RANBP2: variants seen among roughly 807,000 people sequenced by gnomAD.
The protein encoded by RANBP2 is E3 SUMO-protein ligase RanBP2.
A neutral mutation model predicts 303.6 loss-of-function variants in RANBP2; 57 were observed. The ratio of observed to expected loss-of-function variants is 0.19; its 90% CI spans 0.15 to 0.23. The LOEUF (loss-of-function observed/expected upper bound fraction) is 0.23, where lower values mean the gene tolerates loss of function less well. Among genes scored for constraint, RANBP2 ranks in the 10% least tolerant of loss-of-function variants. The pLI, the probability that RANBP2 is intolerant of heterozygous loss-of-function variation, is 1.00. For missense variants in RANBP2, 3,138 were observed against 3,780.8 expected (o/e 0.83, Z 4.46); for synonymous variants, 1,167 against 1,301.5 (o/e 0.90, Z 2.23).
the RANBP2 span, among the ~76,000 whole-genome samples, chr2:108,804,278 C>T: frequency 5.3e-5 from 8 of 152,094 alleles, no homozygotes; most frequent in Non-Finnish European, 7.4e-5. Context: ...CTAAAACATG[C>T]TATCCCATTT....
the RANBP2 span, among the ~76,000 whole-genome samples, chr2:109,363,855 G>A: frequency 1.3e-5 from 2 of 152,110 alleles, no homozygotes; most frequent in Non-Finnish European, 2.9e-5. Context: ...TATAGGTAAT[G>A]TGTTTTTTCC....
At chr2:109,296,085 G>GC in the RANBP2 span, among the ~76,000 whole-genome samples, 1 of 151,992 alleles carries the variant, frequency 6.6e-6, no homozygotes, top group Non-Finnish European at 1.5e-5. Flanking sequence ...AGCCAGGTTG[G>GC]CCCCCCAGAA....
chr2:109,117,757 G>C, the RANBP2 span, among the ~76,000 whole-genome samples: 1 of 152,222 alleles, frequency 6.6e-6, no homozygotes, highest in Non-Finnish European at 1.5e-5. Context: ...GACGGGAGCT[G>C]TTCCTATTCG....
At chr2:109,590,080 A>ATG in the RANBP2 span, among the ~76,000 whole-genome samples, 18 of 149,562 alleles carry the variant, frequency 1.2e-4, no homozygotes, top group African/African-American at 4.2e-4. Flanking sequence ...ACACATATAT[A>ATG]TGTATATATA....
the RANBP2 span, among the ~76,000 whole-genome samples, chr2:109,197,993 C>T: frequency 1.3e-5 from 2 of 152,178 alleles, no homozygotes; most frequent in Non-Finnish European, 2.9e-5. Flanking sequence ...AGGTTTTTCA[C>T]AGAGTTGACC....
the RANBP2 span, among the ~76,000 whole-genome samples, chr2:109,529,588 G>A: frequency 6.6e-6 from 1 of 152,218 alleles, no homozygotes; most frequent in African/African-American, 2.4e-5. Flanking sequence ...GAAAACAGTA[G>A]TGTTTGGGTT....
intron 5 of RANBP2, 33 bp downstream of exon 5, chr2:108,735,795 A>G (rs1470681954): frequency 3.8e-6 from 6 of 1,597,464 alleles, no homozygotes; most frequent in Admixed American, 1.7e-5. Context: ...TTACATTTCT[A>G]TGTAGGCAAT....
the RANBP2 span, among the ~76,000 whole-genome samples, chr2:108,921,739 C>G: frequency 2.0e-5 from 3 of 152,238 alleles, no homozygotes; most frequent in Admixed American, 2.0e-4. Flanking sequence ...GTTTGGCATT[C>G]ACACCGAGGC....
the RANBP2 span, among the ~76,000 whole-genome samples, chr2:109,206,829 G>A: frequency 6.6e-6 from 1 of 152,136 alleles, no homozygotes; most frequent in Non-Finnish European, 1.5e-5. Flanking sequence ...ACTTAACTCT[G>A]GCATTTGCTA....
At chr2:109,516,430 G>A in the RANBP2 span, among the ~76,000 whole-genome samples, 1 of 152,306 alleles carries the variant, frequency 6.6e-6, no homozygotes, top group Admixed American at 6.5e-5. Flanking sequence ...CAGAAGCACG[G>A]GCCTACAGCT....
the RANBP2 span, among the ~76,000 whole-genome samples, chr2:109,138,863 G>A: frequency 1.4e-4 from 22 of 152,322 alleles, no homozygotes; most frequent in African/African-American, 5.3e-4. Context: ...ACTGTGTTAA[G>A]CACTGGAATA....
the RANBP2 span, among the ~76,000 whole-genome samples, chr2:108,887,338 C>T: frequency 1.2e-4 from 19 of 152,086 alleles, no homozygotes; most frequent in Middle Eastern, 3.4e-3. Flanking sequence ...TTTGTCTTTT[C>T]GTTCAGGATG....
the RANBP2 span, among the ~76,000 whole-genome samples, chr2:109,180,118 G>GTTTT: frequency 6.8e-6 from 1 of 147,034 alleles, no homozygotes; most frequent in African/African-American, 2.5e-5. Context: ...CACAGGAGAA[G>GTTTT]TTTTTTTTTT....
At chr2:108,838,217 G>A in the RANBP2 span, among the ~76,000 whole-genome samples, 1 of 152,142 alleles carries the variant, frequency 6.6e-6, no homozygotes. Context: ...CATACTCTAG[G>A]CCGAGCACTT....
chr2:108,893,475 A>G, the RANBP2 span, among the ~76,000 whole-genome samples: 1 of 152,178 alleles, frequency 6.6e-6, no homozygotes, highest in Non-Finnish European at 1.5e-5. Flanking sequence ...GGACAGGTCT[A>G]TCCTGGCACG....
the RANBP2 span, among the ~76,000 whole-genome samples, chr2:109,051,889 C>T: frequency 6.3e-3 from 951 of 152,110 alleles, 8 homozygotes; most frequent in African/African-American, 0.022. Context: ...GCTGGGACTA[C>T]AGGCGCCCAC....
the RANBP2 span, among the ~76,000 whole-genome samples, chr2:109,408,654 C>T: frequency 6.6e-6 from 1 of 152,238 alleles, no homozygotes; most frequent in Non-Finnish European, 1.5e-5. Flanking sequence ...CTGGCACTCT[C>T]AGACAGAAGG....
At chr2:108,720,479 A>T (rs1031751968) in intron 1 of RANBP2, among the ~76,000 whole-genome samples, 1 of 152,172 alleles carries the variant, frequency 6.6e-6, no homozygotes, top group Admixed American at 6.5e-5. Flanking sequence ...TCTATTTTGG[A>T]TTCAATAAGA....
chr2:108,755,896 G>A (rs1297355534), intron 17 of RANBP2, among the ~76,000 whole-genome samples: 1 of 151,934 alleles, frequency 6.6e-6, no homozygotes, highest in Non-Finnish European at 1.5e-5. Flanking sequence ...GCTAATTTTT[G>A]TATGTTTAGT....
Sources: allele counts gnomAD v4.1 joint callset (sites outside exome capture counted in the v4.1 genomes callset), GRCh38; gene constraint gnomAD v4.1.1; transcripts MANE v1.5; gene names NCBI Gene and HGNC (gene_info 2026-07-23, HGNC 2026-07-21).